The following RTRAF variants were observed in gnomAD, a reference collection of about 807,000 sequenced individuals.
RTRAF encodes tRNA-splicing ligase complex subunit RTRAF.
In RTRAF, 14 loss-of-function variants were observed where a neutral mutation model predicts 34.4. The observed-to-expected ratio is 0.41, with a 90% CI of 0.27 to 0.64. RTRAF has a LOEUF of 0.64. Ranked by LOEUF, RTRAF falls within the 30% of genes least tolerant of loss-of-function variation. The pLI, the probability that RTRAF is intolerant of heterozygous loss-of-function variation, is 0.34. For synonymous variants in RTRAF, 96 were observed against 95.3 expected (o/e 1.01, Z -0.04); for missense variants, 291 against 288.4 (o/e 1.01, Z -0.06).
At chr14:52,002,566 T>C (rs1890617109) in intron 6 of RTRAF, among the ~76,000 whole-genome samples, 1 of 152,218 alleles carries the variant, frequency 6.6e-6, no homozygotes, top group South Asian at 2.1e-4. Context: ...ATCCCATGAC[T>C]ACCTTCCCCT....
chr14:52,006,302 A>G lies in RTRAF; in HGVS notation c.*1786A>G. The G allele has an allele frequency of 2.1e-6, 1 of 472,656 alleles. No homozygotes were observed. The highest frequency in any genetic ancestry group is 3.7e-5 in the East Asian group (1 of 27,304). 29.3% of individuals were successfully genotyped at this position (472,656 alleles called of 1,614,324 possible). A position where few individuals can be genotyped will look rare whatever the true frequency, so the allele number is the denominator to read the frequency against. On this transcript the variant is annotated 3_prime_UTR_variant, in exon 8 of 8. Coordinates refer to ENST00000261700, the MANE Select transcript of RTRAF (RefSeq NM_016039.3). ...TTATCCAATAGCTTTGCTACTTTTT[A>G]AGCTATATGTGAGCAATACCATTCG...
At chr14:51,995,952 T>C (rs1266840438) in intron 3 of RTRAF, among the ~76,000 whole-genome samples, 1 of 152,168 alleles carries the variant, frequency 6.6e-6, no homozygotes, top group African/African-American at 2.4e-5. Context: ...TATGAGCCAA[T>C]TTGTAGCTTA....
At chr14:51,998,611 C>A in intron 4 of RTRAF, 31 bp downstream of exon 4, 1 of 1,414,150 alleles carries the variant, frequency 7.1e-7, no homozygotes, top group Non-Finnish European at 9.6e-7. Context: ...CATTGAACAT[C>A]AACATTTTTG....
In RTRAF at chr14:52,009,470, G is replaced by A. The variant is rs1347239591; in HGVS notation, c.*4954G>A. On this transcript the variant is annotated 3_prime_UTR_variant, in exon 8 of 8. Transcript: ENST00000261700. Reference sequence around the variant, plus strand: ...GCAGTTGAAGGAGATGTAATTACATGTGTTATATTGCAACCTGGTTCAAGG... The same window carrying A: ...GCAGTTGAAGGAGATGTAATTACATATGTTATATTGCAACCTGGTTCAAGG... The A allele has an allele frequency of 6.6e-6, 1 of 152,202 alleles. No homozygotes were observed. Among genetic ancestry groups the A allele is most frequent in the South Asian group, 2.1e-4 (1 of 4,828 alleles). The allele number at this position is 152,202 out of a possible 1,614,324, so 9.4% of individuals were successfully genotyped here. A position where few individuals can be genotyped will look rare whatever the true frequency, so the allele number is the denominator to read the frequency against.
In RTRAF at chr14:51,989,575, C is replaced by T. The variant is rs1890390083; in HGVS notation, c.-65C>T. The T allele has an allele frequency of 3.9e-6, 6 of 1,524,212 alleles. No homozygotes were observed. Among genetic ancestry groups the T allele is most frequent in the East Asian group, 5.1e-5 (2 of 39,378 alleles). 94.4% of individuals were successfully genotyped at this position (1,524,212 alleles called of 1,614,324 possible). A position where few individuals can be genotyped will look rare whatever the true frequency, so the allele number is the denominator to read the frequency against. On this transcript the variant is annotated 5_prime_UTR_variant, in exon 1 of 8. Transcript: ENST00000261700. ...CGCCGCGTCGCCGGTGCCTGCGCCT[C>T]CCGCTCCACCTCGCTTCTTCTCTCC...
chr14:51,992,873 A>G (rs1890454711), intron 2 of RTRAF, among the ~76,000 whole-genome samples: 1 of 152,118 alleles, frequency 6.6e-6, no homozygotes, highest in Admixed American at 6.5e-5. Context: ...TCTACTAAAA[A>G]CACAAAATTA....
chr14:51,991,923 TG>T (rs1336701537), intron 2 of RTRAF, among the ~76,000 whole-genome samples: 1 of 152,166 alleles, frequency 6.6e-6, no homozygotes, highest in Non-Finnish European at 1.5e-5. Flanking sequence ...GAAAGTTATC[TG>T]GGTGTGCTGG....
rs1890855908 is a variant in RTRAF, at chr14:52,007,965, T to C, written c.*3449T>C. 2 of 1,593,572 alleles carry C rather than the reference T, an allele frequency of 1.3e-6. No individual in the cohort carries two copies. Among genetic ancestry groups the C allele is most frequent in the African/African-American group, 1.4e-5 (1 of 73,456 alleles). On this transcript the variant is annotated 3_prime_UTR_variant, in exon 8 of 8. Transcript: ENST00000261700. ...TCTATTCCAGTCTGTCCAGTACAAG[T>C]TGCTGTAAGTTAAAAATCAAGATTG...
intron 4 of RTRAF, 28 bp downstream of exon 4, chr14:51,998,608 C>A: frequency 7.0e-7 from 1 of 1,421,912 alleles, no homozygotes; most frequent in Non-Finnish European, 9.6e-7. Context: ...TAACATTGAA[C>A]ATCAACATTT....
chr14:52,004,270 A>G (rs755174466), intron 7 of RTRAF, 28 bp downstream of exon 7: 4 of 1,588,560 alleles, frequency 2.5e-6, no homozygotes, highest in African/African-American at 1.4e-5. Context: ...AATTCAAACT[A>G]TTTTTTTTAC....
chr14:51,994,311 G>A (rs975590569), intron 3 of RTRAF, among the ~76,000 whole-genome samples: 1 of 152,104 alleles, frequency 6.6e-6, no homozygotes, highest in African/African-American at 2.4e-5. Context: ...TTCTTTAAAC[G>A]GGTGTTTTCT....
chr14:52,005,508 G>A lies in RTRAF; in HGVS notation c.*992G>A. 1 of 1,597,146 alleles carries A rather than the reference G, an allele frequency of 6.3e-7. No individual in the cohort carries two copies. The highest frequency in any genetic ancestry group is 1.1e-5 in the South Asian group (1 of 87,868). On this transcript the variant is annotated 3_prime_UTR_variant, in exon 8 of 8. Transcript: ENST00000261700. ...TACTTACTTTCTTCCTGTGAGAGAA[G>A]AGCAGGGGTGGGACAGGGTGGTGGG...
At chr14:51,992,365 G>A (rs1890447420) in intron 2 of RTRAF, among the ~76,000 whole-genome samples, 1 of 152,130 alleles carries the variant, frequency 6.6e-6, no homozygotes, top group Non-Finnish European at 1.5e-5. Context: ...TTATAAATTA[G>A]GGATTGTATA....
chr14:51,989,686 G>A lies in RTRAF; in HGVS notation c.47G>A (p.Gly16Asp). The A allele has an allele frequency of 6.2e-7, 1 of 1,604,280 alleles. No homozygotes were observed. The highest frequency in any genetic ancestry group is 1.7e-5 in the Admixed American group (1 of 59,248). Residue 16 changes from glycine to aspartate, a missense_variant, in exon 1 of 8, where the codon GGC (glycine) becomes GAC (aspartate). By Grantham distance (94) the Gly-to-Asp change is moderately conservative. Coordinates refer to ENST00000261700, the MANE Select transcript of RTRAF (RefSeq NM_016039.3). ...LTALDYHNPA[G>D]FNCKDETEFR... ...GCTCTCGACTACCACAACCCCGCCG[G>A]CTTCAACTGCAAAGGTGAGGCGGCG...
Position 52,009,216 on chromosome 14 carries a change from A to T in RTRAF, c.*4700A>T, listed in dbSNP as rs1890914412. On this transcript the variant is annotated 3_prime_UTR_variant, in exon 8 of 8. Coordinates refer to ENST00000261700, the MANE Select transcript of RTRAF (RefSeq NM_016039.3). The stretch of plus-strand genomic sequence containing the variant: ...AGAAAGCAGTTTCCACTTTGCGCTA[A>T]GGTGGAGGTGGCCAGAGGGTACAGC... 1 of 152,192 alleles carries T rather than the reference A, an allele frequency of 6.6e-6. No individual in the cohort carries two copies. The highest frequency in any genetic ancestry group is 1.5e-5 in the Non-Finnish European group (1 of 68,030). 9.4% of individuals were successfully genotyped at this position (152,192 alleles called of 1,614,324 possible). A position where few individuals can be genotyped will look rare whatever the true frequency, so the allele number is the denominator to read the frequency against.
Position 52,006,441 on chromosome 14 carries a change from A to G in RTRAF, c.*1925A>G. On this transcript the variant is annotated 3_prime_UTR_variant, in exon 8 of 8. Coordinates refer to ENST00000261700, the MANE Select transcript of RTRAF (RefSeq NM_016039.3). ...TGAAACAAAAGCCTCAGAGGGCTTA[A>G]TGAGTCAAGTCAGGTACTGACTTTT... The G allele has an allele frequency of 7.0e-7, 1 of 1,431,748 alleles. No individual in the cohort carries two copies. The highest frequency in any genetic ancestry group is 1.3e-5 in the South Asian group (1 of 77,868). The allele number at this position is 1,431,748 out of a possible 1,614,324, so 88.7% of individuals were successfully genotyped here.
rs1424630498 is a variant in RTRAF at position 52,005,474 on chromosome 14, A to ACATTACTGTACTTACTTTC, written c.*959_*977dup. ...GATTGTAAACTCCAAGTCTTCCTTT[A>ACATTACTGTACTTACTTTC]CATTACTGTACTTACTTTCTTCCTG... On this transcript the variant is annotated 3_prime_UTR_variant, in exon 8 of 8. Coordinates refer to ENST00000261700, the MANE Select transcript of RTRAF (RefSeq NM_016039.3). The ACATTACTGTACTTACTTTC allele has an allele frequency of 6.3e-7, 1 of 1,590,094 alleles. No homozygotes were observed. The highest frequency in any genetic ancestry group is 8.5e-7 in the Non-Finnish European group (1 of 1,170,570).
chr14:51,992,668 T>A (rs1304669275), intron 2 of RTRAF, among the ~76,000 whole-genome samples: 1 of 152,244 alleles, frequency 6.6e-6, no homozygotes, highest in Non-Finnish European at 1.5e-5. Context: ...TTATATTACA[T>A]TTTATGGTCT....
chr14:51,995,090 T>C (rs1226360466), intron 3 of RTRAF, among the ~76,000 whole-genome samples: 1 of 152,112 alleles, frequency 6.6e-6, no homozygotes, highest in Non-Finnish European at 1.5e-5. Flanking sequence ...GTCTTATTCG[T>C]CCCAGTAATT....
Sources: gnomAD v4.1 joint callset for allele counts (sites outside exome capture counted in the v4.1 genomes callset) on GRCh38, gnomAD v4.1.1 for gene constraint, MANE v1.5 for transcripts, NCBI Gene and HGNC (gene_info 2026-07-23, HGNC 2026-07-21) for gene names.